The following MAGI1 variants were observed in gnomAD, a reference collection of about 807,000 sequenced individuals.
MAGI1 encodes the protein membrane-associated guanylate kinase, WW and PDZ domain-containing protein 1.
Under a neutral mutation model 139.9 loss-of-function variants are expected in MAGI1, and 58 were observed. The ratio of observed to expected loss-of-function variants is 0.41; its 90% CI spans 0.34 to 0.52. The LOEUF (loss-of-function observed/expected upper bound fraction) is 0.52, where lower values mean the gene tolerates loss of function less well. Among genes scored for constraint, MAGI1 ranks in the 20% least tolerant of loss-of-function variants. The pLI is 0.12. For synonymous variants in MAGI1, 812 were observed against 737.9 expected (o/e 1.10, Z -1.63); for missense variants, 1,874 against 1,901.6 (o/e 0.99, Z 0.27).
At chr3:65,438,525 G>C (rs895359202) in intron 9 of MAGI1, among the ~76,000 whole-genome samples, 2 of 152,152 alleles carry the variant, frequency 1.3e-5, no homozygotes, top group Non-Finnish European at 2.9e-5. Flanking sequence ...ATGTATATGA[G>C]AAGAGTTCTT....
chr3:65,742,533 A>G (rs975146393), intron 1 of MAGI1, among the ~76,000 whole-genome samples: 16 of 152,182 alleles, frequency 1.1e-4, no homozygotes, highest in Non-Finnish European at 2.2e-4. Context: ...TCGCTGAAAT[A>G]AAGACCCCAG....
chr3:65,781,983 A>C (rs1161857227), intron 1 of MAGI1, among the ~76,000 whole-genome samples: 4 of 152,214 alleles, frequency 2.6e-5, no homozygotes, highest in Admixed American at 2.6e-4. Flanking sequence ...GGTAGATTTC[A>C]CTTTCCCATA....
chr3:65,500,304 C>A (rs1221697397), intron 2 of MAGI1, among the ~76,000 whole-genome samples: 1 of 152,122 alleles, frequency 6.6e-6, no homozygotes, highest in Non-Finnish European at 1.5e-5. Flanking sequence ...AATATCAACC[C>A]TTCCCACCAC....
At chr3:65,812,468 T>TCTCTCTCTCACACA (rs1176899313) in intron 1 of MAGI1, among the ~76,000 whole-genome samples, 3 of 89,088 alleles carry the variant, frequency 3.4e-5, no homozygotes, top group African/African-American at 9.6e-5. Flanking sequence ...TCTCTCTCTC[T>TCTCTCTCTCACACA]CACACACACA....
chr3:65,582,857 T>C (rs992149697), intron 2 of MAGI1, among the ~76,000 whole-genome samples: 21 of 152,208 alleles, frequency 1.4e-4, no homozygotes, highest in Non-Finnish European at 2.4e-4. Flanking sequence ...ACATGAGACA[T>C]GACTTCTCCT....
chr3:65,379,600 C>T, intron 16 of MAGI1, 46 bp from the exon 17 acceptor site: 2 of 1,564,510 alleles, frequency 1.3e-6, no homozygotes, highest in Middle Eastern at 2.0e-4. Context: ...CCTGCAGCCC[C>T]TCCATCCTGC....
intron 2 of MAGI1, among the ~76,000 whole-genome samples, chr3:65,507,668 G>C (rs2077354160): frequency 6.6e-6 from 1 of 152,112 alleles, no homozygotes; most frequent in Admixed American, 6.5e-5. Flanking sequence ...ATATGGACTT[G>C]GAGCAACGGC....
At chr3:65,903,904 A>C (rs1360554062) in intron 1 of MAGI1, among the ~76,000 whole-genome samples, 4 of 151,984 alleles carry the variant, frequency 2.6e-5, no homozygotes, top group Non-Finnish European at 5.9e-5. Context: ...GTTTCTTGGG[A>C]GGCTGATGCA....
In MAGI1 at chr3:65,493,625, G is replaced by T; in HGVS notation, c.437C>A (p.Thr146Asn). 6.2e-7 allele frequency: 1 copy of T among 1,614,040 alleles called. No individual in the cohort carries two copies. Among genetic ancestry groups the T allele is most frequent in the East Asian group, 2.2e-5 (1 of 44,868 alleles). Residue 146 changes from threonine to asparagine, a missense_variant, in exon 3 of 23, where the codon ACC (threonine) becomes AAC (asparagine). Coordinates refer to ENST00000402939, the MANE Select transcript of MAGI1 (RefSeq NM_001033057.2). ...NLYRHAVPCT[T>N]RSPREGEVPG... ...CACTTCTCCTTCTCTGGGAGATCGG[G>T]TTGTGCCTGTAGCAGAAAATACAAA...
At chr3:65,757,210 G>A (rs2036631107) in intron 1 of MAGI1, among the ~76,000 whole-genome samples, 1 of 152,188 alleles carries the variant, frequency 6.6e-6, no homozygotes, top group African/African-American at 2.4e-5. Flanking sequence ...GAGGGCACAA[G>A]AAGCACTGAC....
intron 1 of MAGI1, among the ~76,000 whole-genome samples, chr3:65,771,366 G>A (rs1488279790): frequency 6.6e-6 from 1 of 152,028 alleles, no homozygotes; most frequent in Non-Finnish European, 1.5e-5. Context: ...CAGATAGTAG[G>A]TGAATATGAG....
chr3:66,008,541 C>T (rs545342129), intron 1 of MAGI1, among the ~76,000 whole-genome samples: 24 of 152,276 alleles, frequency 1.6e-4, no homozygotes, highest in East Asian at 3.9e-4. Context: ...CAACCACAAA[C>T]GCACATAAAG....
At chr3:65,800,308 G>C (rs770925170) in intron 1 of MAGI1, among the ~76,000 whole-genome samples, 3 of 152,148 alleles carry the variant, frequency 2.0e-5, no homozygotes, top group Non-Finnish European at 4.4e-5. Context: ...TTCAATGTAG[G>C]AGCAAGCAAA....
intron 2 of MAGI1, among the ~76,000 whole-genome samples, chr3:65,602,726 A>G (rs2082540514): frequency 6.6e-6 from 1 of 152,102 alleles, no homozygotes; most frequent in African/African-American, 2.4e-5. Flanking sequence ...TAAAAGGTAG[A>G]AAGAAGAAAT....
intron 1 of MAGI1, among the ~76,000 whole-genome samples, chr3:65,638,660 A>C (rs180681181): frequency 2.6e-5 from 3 of 116,738 alleles, no homozygotes; most frequent in African/African-American, 9.8e-5. Context: ...CCCAGGCTGG[A>C]GTGCAGTGGT....
At chr3:65,662,354 G>A (rs927264140) in intron 1 of MAGI1, among the ~76,000 whole-genome samples, 1 of 152,136 alleles carries the variant, frequency 6.6e-6, no homozygotes. Context: ...TCCATAAAAT[G>A]CCAGACAGTA....
chr3:65,355,222 TC>T lies in MAGI1; in HGVS notation c.*1155del, dbSNP rs1460679303. 1 of 152,290 alleles carries T rather than the reference TC, an allele frequency of 6.6e-6. No individual in the cohort carries two copies. The highest frequency in any genetic ancestry group is 2.4e-5 in the African/African-American group (1 of 41,470). 9.4% of individuals were successfully genotyped at this position (152,290 alleles called of 1,614,324 possible). A position where few individuals can be genotyped will look rare whatever the true frequency, so the allele number is the denominator to read the frequency against. ...AGGACAGAGTCATGAGGCAGAAGTT[TC>T]CCAACCAGACCTAGAATCACTGGGA... On this transcript the variant is annotated 3_prime_UTR_variant, in exon 23 of 23. Coordinates refer to ENST00000402939, the MANE Select transcript of MAGI1 (RefSeq NM_001033057.2).
At chr3:65,410,925 C>T (rs554034682) in intron 12 of MAGI1, among the ~76,000 whole-genome samples, 35 of 152,246 alleles carry the variant, frequency 2.3e-4, no homozygotes, top group African/African-American at 7.9e-4. Context: ...TGTTTCCTGA[C>T]GCTACCTAAT....
At chr3:65,432,920 G>A (rs752024719) in intron 10 of MAGI1, among the ~76,000 whole-genome samples, 15 of 152,120 alleles carry the variant, frequency 9.9e-5, no homozygotes, top group Non-Finnish European at 1.5e-4. Context: ...ACTAAAAATT[G>A]CAGTACCTCC....
Sources: gnomAD v4.1 joint callset for allele counts (sites outside exome capture counted in the v4.1 genomes callset) on GRCh38, gnomAD v4.1.1 for gene constraint, MANE v1.5 for transcripts, NCBI Gene and HGNC (gene_info 2026-07-23, HGNC 2026-07-21) for gene names.